The following CDH20 variants were observed in gnomAD, a reference collection of about 807,000 sequenced individuals.
CDH20 encodes the protein cadherin-20.
CDH20 carries 29 observed loss-of-function variants against 74.2 expected under a neutral mutation model. That is an observed-to-expected ratio of 0.39 (90% CI 0.29 to 0.53). CDH20 has a LOEUF of 0.53. CDH20 is among the 20% of genes least tolerant of loss of function. CDH20 has a pLI of 0.69. For synonymous variants in CDH20, 469 were observed against 405.4 expected (o/e 1.16, Z -1.88); for missense variants, 988 against 1,048.3 (o/e 0.94, Z 0.79).
rs564728820 is a variant in CDH20 at position 61,524,640 on chromosome 18, C to T, written c.1018-3327C>T. On this transcript the variant is annotated intron_variant, in intron 6 of 11. Coordinates refer to ENST00000262717, the MANE Select transcript of CDH20 (RefSeq NM_031891.4). ...ATAAAAAAAGAACAAACTCACCAGG[C>T]ATAGTAGCTCACGCCAGTAATCCCA... Among the ~76,000 whole-genome samples, 248 of 152,320 alleles carry T rather than the reference C, an allele frequency of 1.6e-3. 1 individual carries two copies. Among genetic ancestry groups the T allele is most frequent in the African/African-American group, 5.5e-3 (228 of 41,570 alleles).
intron 1 of CDH20, among the ~76,000 whole-genome samples, chr18:61,464,302 T>C (rs777539885): frequency 3.4e-4 from 52 of 151,030 alleles, no homozygotes; most frequent in Admixed American, 1.5e-3. Context: ...AGTTTGGTGG[T>C]TTAGCAAGGT....
At chr18:61,391,559 G>A (rs8098602) in intron 1 of CDH20, 32,312 of 152,054 alleles carry the variant, frequency 0.21, 3,888 homozygotes, top group East Asian at 0.35. Flanking sequence ...CCTGATTATG[G>A]AGATCAACAT....
chr18:61,542,043 A>G (rs1040017043), intron 9 of CDH20, among the ~76,000 whole-genome samples: 2 of 152,180 alleles, frequency 1.3e-5, no homozygotes, highest in East Asian at 1.9e-4. Flanking sequence ...CCCCAGTCTC[A>G]CCAATATATA....
At chr18:61,431,321 C>T (rs1412406312) in intron 1 of CDH20, among the ~76,000 whole-genome samples, 1 of 152,132 alleles carries the variant, frequency 6.6e-6, no homozygotes, top group East Asian at 1.9e-4. Context: ...AATATCATGA[C>T]TAAATGTAGC....
At chr18:61,517,560 T>C (rs1796408241) in intron 6 of CDH20, among the ~76,000 whole-genome samples, 1 of 152,130 alleles carries the variant, frequency 6.6e-6, no homozygotes, top group African/African-American at 2.4e-5. Flanking sequence ...CTGGCCCAGA[T>C]ATTACGCTTT....
chr18:61,528,168 A>G lies in CDH20; in HGVS notation c.1219A>G (p.Thr407Ala). 1 of 1,614,100 alleles carries G rather than the reference A, an allele frequency of 6.2e-7. No individual in the cohort carries two copies. Among genetic ancestry groups the G allele is most frequent in the Non-Finnish European group, 8.5e-7 (1 of 1,179,988 alleles). The change falls in exon 7 of 12, where the codon ACC (threonine) becomes GCC (alanine). Residue 407 changes from threonine to alanine, a missense_variant. Thr to Ala is a moderately conservative substitution (Grantham distance 58). Coordinates refer to ENST00000262717, the MANE Select transcript of CDH20 (RefSeq NM_031891.4). ...EVPEDVAIGT[T>A]IQIISAKDPD... ...GCCTGAGGATGTGGCGATTGGAACA[A>G]CCATACAGATCATTTCTGCCAAGGA...
intron 1 of CDH20, among the ~76,000 whole-genome samples, chr18:61,431,442 T>C (rs1913251828): frequency 6.6e-6 from 1 of 152,184 alleles, no homozygotes; most frequent in Middle Eastern, 3.2e-3. Context: ...CATTAACTAA[T>C]TTAATTAAGT....
intron 1 of CDH20, among the ~76,000 whole-genome samples, chr18:61,408,045 C>A (rs1912386637): frequency 6.6e-6 from 1 of 152,096 alleles, no homozygotes; most frequent in African/African-American, 2.4e-5. Flanking sequence ...GAACTCTCTG[C>A]ACTATTTTTG....
intron 1 of CDH20, among the ~76,000 whole-genome samples, chr18:61,431,747 T>G (rs1207433480): frequency 1.3e-5 from 2 of 152,184 alleles, no homozygotes; most frequent in African/African-American, 4.8e-5. Flanking sequence ...CTTTGATGAT[T>G]AGCGAGGCTG....
In CDH20 at chr18:61,487,246, C is replaced by G. The variant is rs968309565; in HGVS notation, c.-152-3156C>G. Among the ~76,000 whole-genome samples the G allele has an allele frequency of 2.6e-5, 4 of 152,086 alleles. No homozygotes were observed. In the East Asian group the frequency reaches 5.8e-4, roughly 22 times the overall value. On this transcript the variant is annotated intron_variant, in intron 1 of 11. Transcript: ENST00000262717. ...TAAGAACAACAGCAATTAGCCCACC[C>G]CAAACACATTATTGCTATTCATATC... is the stretch of plus-strand genomic sequence containing the variant.
intron 1 of CDH20, chr18:61,405,218 G>A (rs1912291405): frequency 7.4e-6 from 3 of 405,048 alleles, no homozygotes; most frequent in Non-Finnish European, 1.4e-5. Context: ...TTCTGCCTTA[G>A]GTGTGGGATG....
At chr18:61,488,815 G>A (rs757694655) in intron 1 of CDH20, among the ~76,000 whole-genome samples, 17 of 152,066 alleles carry the variant, frequency 1.1e-4, no homozygotes, top group South Asian at 2.1e-4. Context: ...TCATCAATTC[G>A]TTTCCTGGGT....
intron 1 of CDH20, among the ~76,000 whole-genome samples, chr18:61,482,478 G>A (rs968323899): frequency 2.6e-5 from 4 of 151,996 alleles, no homozygotes; most frequent in Non-Finnish European, 5.9e-5. Flanking sequence ...TGGATCCTTG[G>A]TTGAAGTTCT....
In CDH20 at chr18:61,539,218, C is replaced by G; in HGVS notation, c.1530+73C>G. The G allele has an allele frequency of 6.0e-6, 9 of 1,506,470 alleles. 1 individual carries two copies. Among genetic ancestry groups the G allele is most frequent in the Non-Finnish European group, 7.3e-6 (8 of 1,095,678 alleles). 93.3% of individuals were successfully genotyped at this position (1,506,470 alleles called of 1,614,324 possible). A position where few individuals can be genotyped will look rare whatever the true frequency, so the allele number is the denominator to read the frequency against. Reference sequence around the variant, plus strand: ...GAAACAATTGTTAGATAACCAAATTCACCATCAAAGCCATTTTGACTCCAG... The same window carrying G: ...GAAACAATTGTTAGATAACCAAATTGACCATCAAAGCCATTTTGACTCCAG... On this transcript the variant is annotated intron_variant, in intron 9 of 11. Transcript: ENST00000262717.
intron 1 of CDH20, among the ~76,000 whole-genome samples, chr18:61,476,471 A>G (rs1216722678): frequency 6.6e-6 from 1 of 152,192 alleles, no homozygotes; most frequent in Non-Finnish European, 1.5e-5. Flanking sequence ...AAAACTGTGA[A>G]AATTAATAAA....
chr18:61,447,773 C>T (rs2144330960), intron 1 of CDH20, among the ~76,000 whole-genome samples: 1 of 152,234 alleles, frequency 6.6e-6, no homozygotes, highest in African/African-American at 2.4e-5. Context: ...GTCCTCTGCT[C>T]CCCTGGATGG....
At chr18:61,411,633 CCACACA>C (rs138526165) in intron 1 of CDH20, among the ~76,000 whole-genome samples, 26 of 143,122 alleles carry the variant, frequency 1.8e-4, no homozygotes, top group East Asian at 4.1e-4. Flanking sequence ...AGATATGTAT[CCACACA>C]CACACACACA....
intron 1 of CDH20, among the ~76,000 whole-genome samples, chr18:61,429,626 G>T (rs1409135103): frequency 6.6e-6 from 1 of 152,090 alleles, no homozygotes; most frequent in African/African-American, 2.4e-5. Flanking sequence ...CCTGGAGGAA[G>T]TCCAGAACAC....
chr18:61,444,749 T>C (rs904432480), intron 1 of CDH20, among the ~76,000 whole-genome samples: 2 of 152,198 alleles, frequency 1.3e-5, no homozygotes, highest in Non-Finnish European at 2.9e-5. Context: ...TCCTCTTCTT[T>C]ACTAAAATTC....
Sources: allele counts gnomAD v4.1 joint callset (sites outside exome capture counted in the v4.1 genomes callset), GRCh38; gene constraint gnomAD v4.1.1; transcripts MANE v1.5; gene names NCBI Gene and HGNC (gene_info 2026-07-23, HGNC 2026-07-21).